Variants in FAXC observed in about 807,000 individuals in gnomAD.
FAXC encodes failed axon connections homolog, metaxin like GST domain containing.
Under a neutral mutation model 41.9 loss-of-function variants are expected in FAXC, and 10 were observed. The ratio of observed to expected loss-of-function variants is 0.24; its 90% CI spans 0.15 to 0.41. The LOEUF is 0.41. Ranked by LOEUF, FAXC falls within the 10% of genes least tolerant of loss-of-function variation. The pLI, the probability that FAXC is intolerant of heterozygous loss-of-function variation, is 1.00. For missense variants in FAXC, 399 were observed against 510.9 expected (o/e 0.78, Z 2.11); for synonymous variants, 183 against 183.8 (o/e 1.00, Z 0.03).
Position 99,349,420 on chromosome 6 carries a change from C to A in FAXC, c.-48G>T. 1 of 1,478,546 alleles carries A rather than the reference C, an allele frequency of 6.8e-7. No individual in the cohort carries two copies. Among genetic ancestry groups the A allele is most frequent in the Admixed American group, 2.3e-5 (1 of 43,102 alleles). 91.6% of individuals were successfully genotyped at this position (1,478,546 alleles called of 1,614,324 possible). A position where few individuals can be genotyped will look rare whatever the true frequency, so the allele number is the denominator to read the frequency against. On this transcript the variant is annotated 5_prime_UTR_variant, in exon 1 of 6. An upstream start codon of the reference 5' UTR is lost. Coordinates refer to ENST00000389677, the MANE Select transcript of FAXC (RefSeq NM_032511.4). ...CCCCTCCCAGGGCCCGCGCCGCCCG[C>A]ATGGGAAGGGGCCGGCGCGGCCCGG...
At position 99,349,422 on chromosome 6, in the gene FAXC, T is replaced by C. The variant is rs748777348; in HGVS notation, c.-50A>G. On this transcript the variant is annotated 5_prime_UTR_variant, in exon 1 of 6. It removes an upstream start codon present in the reference 5' UTR. Coordinates refer to ENST00000389677, the MANE Select transcript of FAXC (RefSeq NM_032511.4). Reference sequence around the variant, plus strand: ...CCTCCCAGGGCCCGCGCCGCCCGCATGGGAAGGGGCCGGCGCGGCCCGGCG... The same window carrying C: ...CCTCCCAGGGCCCGCGCCGCCCGCACGGGAAGGGGCCGGCGCGGCCCGGCG... The C allele has an allele frequency of 1.4e-6, 2 of 1,463,870 alleles. No homozygotes were observed. The highest frequency in any genetic ancestry group is 1.5e-5 in the African/African-American group (1 of 68,408). The allele number at this position is 1,463,870 out of a possible 1,614,324, so 90.7% of individuals were successfully genotyped here.
chr6:99,295,446 G>C (rs752234313), intron 4 of FAXC, among the ~76,000 whole-genome samples: 1 of 152,204 alleles, frequency 6.6e-6, no homozygotes, highest in Non-Finnish European at 1.5e-5. Flanking sequence ...TCCTCCCTAA[G>C]GTGGGTGGGC....
intron 4 of FAXC, among the ~76,000 whole-genome samples, chr6:99,301,733 G>A (rs1003560749): frequency 3.9e-5 from 6 of 152,184 alleles, no homozygotes; most frequent in Admixed American, 3.3e-4. Context: ...TCTACAAGAT[G>A]TAAAACCTTT....
intron 4 of FAXC, among the ~76,000 whole-genome samples, chr6:99,295,711 A>G (rs1771464735): frequency 6.6e-6 from 1 of 152,250 alleles, no homozygotes; most frequent in East Asian, 1.9e-4. Context: ...GCAGGGCATC[A>G]TATCAGGGAG....
intron 1 of FAXC, among the ~76,000 whole-genome samples, chr6:99,343,970 A>C (rs896074075): frequency 8.5e-5 from 13 of 152,144 alleles, no homozygotes; most frequent in African/African-American, 3.1e-4. Context: ...TTGGGTGAGA[A>C]GGACTTCCCT....
intron 5 of FAXC, among the ~76,000 whole-genome samples, chr6:99,290,562 C>T (rs12190700): frequency 0.046 from 6,993 of 151,576 alleles, 196 homozygotes; most frequent in Non-Finnish European, 0.06. Context: ...ATTAGCCGGG[C>T]ATGGTGTTGC....
chr6:99,286,718 A>C (rs1320715903), intron 5 of FAXC, among the ~76,000 whole-genome samples: 3 of 152,222 alleles, frequency 2.0e-5, no homozygotes, highest in Admixed American at 6.5e-5. Context: ...CATCTGTTTT[A>C]AGGAGTGCCC....
At chr6:99,302,280 A>C (rs1771741066) in intron 4 of FAXC, among the ~76,000 whole-genome samples, 1 of 152,246 alleles carries the variant, frequency 6.6e-6, no homozygotes, top group African/African-American at 2.4e-5. Context: ...GGAAGAAAGA[A>C]AGATGCCTAA....
intron 3 of FAXC, among the ~76,000 whole-genome samples, chr6:99,328,510 G>A (rs577755134): frequency 2.6e-5 from 4 of 152,256 alleles, no homozygotes; most frequent in African/African-American, 9.6e-5. Flanking sequence ...TGCTCTTTAT[G>A]AGCCACCCAG....
chr6:99,275,367 G>A lies in FAXC; in HGVS notation c.*5797C>T, dbSNP rs1266981796. 1 of 152,162 alleles carries A rather than the reference G, an allele frequency of 6.6e-6. No individual in the cohort carries two copies. Among genetic ancestry groups the A allele is most frequent in the Non-Finnish European group, 1.5e-5 (1 of 68,036 alleles). The allele number at this position is 152,162 out of a possible 1,614,324, so 9.4% of individuals were successfully genotyped here. ...ATCCATCTTTTACTCCAGATTACTTGTTTTCCTACTGAAATGGTCAGTTTG... is the reference window on the plus strand; with the variant it reads ...ATCCATCTTTTACTCCAGATTACTTATTTTCCTACTGAAATGGTCAGTTTG... On this transcript the variant is annotated 3_prime_UTR_variant, in exon 6 of 6. Transcript: ENST00000389677.
chr6:99,304,234 C>T (rs1362382379), intron 4 of FAXC, among the ~76,000 whole-genome samples: 1 of 151,882 alleles, frequency 6.6e-6, no homozygotes, highest in Admixed American at 6.6e-5. Context: ...TGCAGTGAGA[C>T]GAGATTGCAC....
rs115361107 is a variant in FAXC at position 99,326,086 on chromosome 6, G to A, written c.600-2419C>T. Among the ~76,000 whole-genome samples, 417 of 152,328 alleles carry A rather than the reference G, an allele frequency of 2.7e-3. 3 individuals are homozygous for A. Among genetic ancestry groups the A allele is most frequent in the African/African-American group, 9.4e-3 (389 of 41,568 alleles). On this transcript the variant is annotated intron_variant, in intron 3 of 5. Coordinates refer to ENST00000389677, the MANE Select transcript of FAXC (RefSeq NM_032511.4). ...TGTAAGAGGCGAGGCTGGAGGCGCCGGCAAGGGCACAATCAGGACAGGCCT... is the reference window on the plus strand; with the variant it reads ...TGTAAGAGGCGAGGCTGGAGGCGCCAGCAAGGGCACAATCAGGACAGGCCT...
At chr6:99,336,209 C>T (rs1011562323) in intron 2 of FAXC, among the ~76,000 whole-genome samples, 1 of 152,068 alleles carries the variant, frequency 6.6e-6, no homozygotes. Context: ...AGCCACCATG[C>T]CTGGCCCAAA....
At position 99,287,551 on chromosome 6, in the gene FAXC, G is replaced by C. The variant is rs892633610; in HGVS notation, c.940+4153C>G. Among the ~76,000 whole-genome samples, 5 of 152,314 alleles carry C rather than the reference G, an allele frequency of 3.3e-5. No individual in the cohort carries two copies. The East Asian group carries it at 5.8e-4, about 18-fold the overall frequency. ...TTCTACATGGTTCCAGAAGTAGCTT[G>C]TGTGGCTTTATAAATAATATGTTGG... On this transcript the variant is annotated intron_variant, in intron 5 of 5. Transcript: ENST00000389677.
intron 4 of FAXC, among the ~76,000 whole-genome samples, chr6:99,320,585 TTCTC>T (rs1435796520): frequency 6.6e-6 from 1 of 152,162 alleles, no homozygotes; most frequent in East Asian, 1.9e-4. Context: ...ATGCGGCTCC[TTCTC>T]TCTTATTCTC....
intron 4 of FAXC, among the ~76,000 whole-genome samples, chr6:99,302,199 C>G (rs1460431732): frequency 1.3e-5 from 2 of 152,222 alleles, no homozygotes; most frequent in Non-Finnish European, 2.9e-5. Context: ...TTTCTTGCCA[C>G]ATGGACCTCT....
chr6:99,305,126 T>G (rs1469154594), intron 4 of FAXC, among the ~76,000 whole-genome samples: 2 of 152,116 alleles, frequency 1.3e-5, no homozygotes, highest in African/African-American at 4.8e-5. Flanking sequence ...ATGTGAGAAT[T>G]CAGCTTGTGG....
Position 99,291,811 on chromosome 6 carries a change from T to C in FAXC, c.833A>G (p.Lys278Arg). The C allele has an allele frequency of 6.2e-7, 1 of 1,613,148 alleles. No homozygotes were observed. Among genetic ancestry groups the C allele is most frequent in the East Asian group, 2.2e-5 (1 of 44,872 alleles). ...RSLAGLLGDK[K>R]YIMGPKLSTL... The stretch of plus-strand genomic sequence containing the variant: ...GGAAAGCTTGGGCCCCATGATGTAC[T>C]TCTTATCACCTGCAGTAAATAAAGC... The change falls in exon 5 of 6, where the codon AAG (lysine) becomes AGG (arginine). Residue 278 changes from lysine (K) to arginine (R), a missense_variant. Lys to Arg is a conservative substitution (Grantham distance 26). Transcript: ENST00000389677.
intron 4 of FAXC, among the ~76,000 whole-genome samples, chr6:99,293,324 C>T (rs573070141): frequency 6.6e-6 from 1 of 152,174 alleles, no homozygotes; most frequent in African/African-American, 2.4e-5. Flanking sequence ...AACTGCTACA[C>T]CTTTGCTCAT....
Sources: gnomAD v4.1 joint callset for allele counts (sites outside exome capture counted in the v4.1 genomes callset) on GRCh38, gnomAD v4.1.1 for gene constraint, MANE v1.5 for transcripts, NCBI Gene and HGNC (gene_info 2026-07-23, HGNC 2026-07-21) for gene names.